FBLN7: variants seen among roughly 807,000 people sequenced by gnomAD.
FBLN7 encodes fibulin 7.
In FBLN7, 31 loss-of-function variants were observed where a neutral mutation model predicts 44.0. The ratio of observed to expected loss-of-function variants is 0.70; its 90% CI spans 0.53 to 0.95. The LOEUF (loss-of-function observed/expected upper bound fraction) is 0.95, where lower values mean the gene tolerates loss of function less well. Among genes scored for constraint, FBLN7 ranks in the 40% least tolerant of loss-of-function variants. FBLN7 has a pLI of 0.00. For synonymous variants in FBLN7, 262 were observed against 253.4 expected, an observed-to-expected ratio of 1.03 and a Z score of -0.32; for missense variants, 573 against 618.5, an observed-to-expected ratio of 0.93 and a Z score of 0.78.
chr2:112,165,805 A>G (rs1275000385), intron 3 of FBLN7, among the ~76,000 whole-genome samples: 1 of 152,200 alleles, frequency 6.6e-6, no homozygotes, highest in African/African-American at 2.4e-5. Flanking sequence ...TCTCTGTGCT[A>G]GGTTTAAAAA....
At chr2:112,232,037 T>C in the FBLN7 span, 1 of 739,606 alleles carries the variant, frequency 1.4e-6, no homozygotes, top group South Asian at 3.2e-5. Context: ...AATAAAGACC[T>C]CTGTGGCCGG....
At chr2:112,171,313 A>G (rs1040527986) in intron 3 of FBLN7, among the ~76,000 whole-genome samples, 1 of 152,138 alleles carries the variant, frequency 6.6e-6, no homozygotes, top group Non-Finnish European at 1.5e-5. Flanking sequence ...CAGGGCACTG[A>G]GAAGTCAAAT....
intron 2 of FBLN7, among the ~76,000 whole-genome samples, chr2:112,160,149 C>T (rs1318297135): frequency 3.3e-5 from 5 of 152,284 alleles, no homozygotes; most frequent in East Asian, 1.9e-4. Flanking sequence ...CGCCACCACG[C>T]CCGGCTAATT....
intron 6 of FBLN7, among the ~76,000 whole-genome samples, chr2:112,184,770 A>AT (rs1683174319): frequency 2.1e-5 from 3 of 143,452 alleles, no homozygotes; most frequent in Non-Finnish European, 4.5e-5. Flanking sequence ...TACCATATAT[A>AT]CGTATATATG....
chr2:112,157,816 T>C (rs1681511859), intron 1 of FBLN7, among the ~76,000 whole-genome samples: 1 of 152,040 alleles, frequency 6.6e-6, no homozygotes, highest in South Asian at 2.1e-4. Flanking sequence ...CCCAGGGTGG[T>C]CTTGAACTCC....
intron 2 of FBLN7, among the ~76,000 whole-genome samples, chr2:112,161,960 C>G (rs571107500): frequency 2.0e-4 from 31 of 152,280 alleles, no homozygotes; most frequent in African/African-American, 7.2e-4. Context: ...GGGTTGGGCC[C>G]GCACCTGGAG....
the FBLN7 span, chr2:112,236,437 G>T: frequency 7.4e-7 from 1 of 1,342,436 alleles, no homozygotes; most frequent in East Asian, 2.4e-5. Flanking sequence ...ATCTTCATCC[G>T]AAAACCGATT....
At chr2:112,170,693 G>A (rs1271032852) in intron 3 of FBLN7, among the ~76,000 whole-genome samples, 2 of 152,204 alleles carry the variant, frequency 1.3e-5, no homozygotes, top group East Asian at 1.9e-4. Context: ...GGAGAGACAC[G>A]CAGGCCAGCA....
chr2:112,209,835 G>A, the FBLN7 span, among the ~76,000 whole-genome samples: 1 of 151,802 alleles, frequency 6.6e-6, no homozygotes, highest in Admixed American at 6.6e-5. Context: ...CCCAAAAAAG[G>A]GTGTCAGAGC....
intron 2 of FBLN7, among the ~76,000 whole-genome samples, chr2:112,162,318 CTT>C (rs557275122): frequency 2.3e-4 from 32 of 138,238 alleles, no homozygotes; most frequent in Admixed American, 3.6e-4. Flanking sequence ...CCTGTTTTGC[CTT>C]TTTTTTTTTT....
chr2:112,199,813 G>A, the FBLN7 span, among the ~76,000 whole-genome samples: 3 of 152,176 alleles, frequency 2.0e-5, no homozygotes, highest in Non-Finnish European at 4.4e-5. Flanking sequence ...CACTATCACA[G>A]GAGTGGGTTC....
Position 112,175,817 on chromosome 2 carries a change from C to A in FBLN7, c.510C>A (p.Arg170=). 1 of 1,614,174 alleles carries A rather than the reference C, an allele frequency of 6.2e-7. No individual in the cohort carries two copies. Among genetic ancestry groups the A allele is most frequent in the Non-Finnish European group, 8.5e-7 (1 of 1,180,000 alleles). The part of the protein sequence containing the change: ...CICPPGRTGN[R]CQHQAQTAAP... ...GTCCTCCAGGAAGGACTGGGAACCGCTGTCAGCATCAGGCCCAGACTGGTA... is the reference window on the plus strand; with the variant it reads ...GTCCTCCAGGAAGGACTGGGAACCGATGTCAGCATCAGGCCCAGACTGGTA... Residue 170 remains arginine (R), a synonymous_variant, in exon 4 of 8, where the codon CGC becomes CGA. Coordinates refer to ENST00000331203, the MANE Select transcript of FBLN7 (RefSeq NM_153214.3).
chr2:112,172,925 C>A (rs1210022550), intron 3 of FBLN7, among the ~76,000 whole-genome samples: 1 of 152,206 alleles, frequency 6.6e-6, no homozygotes, highest in Non-Finnish European at 1.5e-5. Context: ...TGAGCCACCA[C>A]ACCTGGCTGT....
chr2:112,146,969 C>A (rs1680928667), intron 1 of FBLN7, among the ~76,000 whole-genome samples: 2 of 152,110 alleles, frequency 1.3e-5, no homozygotes, highest in African/African-American at 4.8e-5. Context: ...CTAAGATTTC[C>A]TTCTTGTCCT....
intron 1 of FBLN7, among the ~76,000 whole-genome samples, chr2:112,142,943 CAT>C (rs1308264402): frequency 6.6e-6 from 1 of 151,720 alleles, no homozygotes; most frequent in Non-Finnish European, 1.5e-5. Flanking sequence ...TGGGTATGCA[CAT>C]GTCTTTGTGT....
At chr2:112,179,098 G>A (rs775895181) in intron 4 of FBLN7, among the ~76,000 whole-genome samples, 14 of 152,004 alleles carry the variant, frequency 9.2e-5, no homozygotes, top group Non-Finnish European at 1.8e-4. Flanking sequence ...CCAAAGTCTC[G>A]GCCCAAAAGT....
At chr2:112,140,365 G>A (rs990230861) in intron 1 of FBLN7, among the ~76,000 whole-genome samples, 1 of 152,158 alleles carries the variant, frequency 6.6e-6, no homozygotes, top group Non-Finnish European at 1.5e-5. Flanking sequence ...CCTGTCCCGC[G>A]CGCAGGGGAG....
chr2:112,205,391 A>G, the FBLN7 span, among the ~76,000 whole-genome samples: 1 of 151,770 alleles, frequency 6.6e-6, no homozygotes, highest in African/African-American at 2.4e-5. Flanking sequence ...TACATTTTAT[A>G]TATGTATGGA....
the FBLN7 span, among the ~76,000 whole-genome samples, chr2:112,193,380 C>T: frequency 1.3e-5 from 2 of 152,102 alleles, no homozygotes; most frequent in Admixed American, 1.3e-4. Flanking sequence ...GTGGAGGTTG[C>T]AGTGAGCCGA....
Sources: gnomAD v4.1 joint callset for allele counts (sites outside exome capture counted in the v4.1 genomes callset) on GRCh38, gnomAD v4.1.1 for gene constraint, MANE v1.5 for transcripts, NCBI Gene and HGNC (gene_info 2026-07-23, HGNC 2026-07-21) for gene names.